The following HECTD4 variants were observed in gnomAD, a reference collection of about 807,000 sequenced individuals.
The protein encoded by HECTD4 is probable E3 ubiquitin-protein ligase HECTD4.
HECTD4 carries 114 observed loss-of-function variants against 471.5 expected under a neutral mutation model. The observed-to-expected ratio is 0.24, with a 90% confidence interval of 0.21 to 0.28. The LOEUF is 0.28. Ranked by LOEUF, HECTD4 falls within the 10% of genes least tolerant of loss-of-function variation. The pLI is 1.00. For missense variants in HECTD4, 3,866 were observed against 5,651.5 expected, an observed-to-expected ratio of 0.68 and a Z score of 10.13; for synonymous variants, 2,012 against 2,256.0, an observed-to-expected ratio of 0.89 and a Z score of 3.07.
At chr12:112,220,897 T>C (rs2033074962) in intron 44 of HECTD4, among the ~76,000 whole-genome samples, 1 of 152,168 alleles carries the variant, frequency 6.6e-6, no homozygotes, top group South Asian at 2.1e-4. Flanking sequence ...GGAGGACTGC[T>C]TAAGCCCAGG....
intron 20 of HECTD4, among the ~76,000 whole-genome samples, chr12:112,257,266 A>G (rs1416286417): frequency 2.6e-5 from 4 of 152,256 alleles, no homozygotes; most frequent in Admixed American, 2.0e-4. Flanking sequence ...TCAGCTCCTC[A>G]GTCACATTAG....
At position 112,329,620 on chromosome 12, in the gene HECTD4, G is replaced by A. The variant is rs75543092; in HGVS notation, c.178-9878C>T. On this transcript the variant is annotated intron_variant, in intron 1 of 75. Transcript: ENST00000682272. ...TGGCCTGAAGAGATCCGCCCACCTC[G>A]GCGTCCCAAAGTGCTGGAATTACAG... Among the ~76,000 whole-genome samples, 222 of 152,158 alleles carry A rather than the reference G, an allele frequency of 1.5e-3. 2 individuals are homozygous for A. The East Asian group carries it at 0.02, about 14-fold the overall frequency.
intron 1 of HECTD4, among the ~76,000 whole-genome samples, chr12:112,338,122 G>A (rs1401655901): frequency 6.6e-6 from 1 of 152,154 alleles, no homozygotes; most frequent in Non-Finnish European, 1.5e-5. Flanking sequence ...AGGGGCTCTA[G>A]TAAAGAATCG....
Position 112,243,396 on chromosome 12 carries a change from G to A in HECTD4, c.4915C>T (p.His1639Tyr), listed in dbSNP as rs993509372. Residue 1639 changes from histidine to tyrosine, a missense_variant, in exon 32 of 76, where the codon CAT becomes TAT. Coordinates refer to ENST00000682272, the MANE Select transcript of HECTD4 (RefSeq NM_001388303.1). The surrounding 1 kb of genome is among the most constrained non-coding windows in gnomAD (Gnocchi z 6.6). ...ACCATCGTCACTGGACCCACAAGATGCGTCACTCCCCCGACTCGTACGGCA... is the reference window on the plus strand; with the variant it reads ...ACCATCGTCACTGGACCCACAAGATACGTCACTCCCCCGACTCGTACGGCA... ...TAAVRVGGVT[H>Y]LVGPVTMVLQ... The A allele has an allele frequency of 1.2e-6, 2 of 1,612,588 alleles. No individual in the cohort carries two copies. The highest frequency in any genetic ancestry group is 1.7e-5 in the Admixed American group (1 of 59,820).
At chr12:112,335,161 CACACAG>C (rs1329804818) in intron 1 of HECTD4, among the ~76,000 whole-genome samples, 1 of 152,050 alleles carries the variant, frequency 6.6e-6, no homozygotes, top group Non-Finnish European at 1.5e-5. Context: ...CACACACACA[CACACAG>C]ACACACACAC....
At chr12:112,376,537 C>G (rs565879370) in intron 1 of HECTD4, among the ~76,000 whole-genome samples, 2 of 152,290 alleles carry the variant, frequency 1.3e-5, no homozygotes, top group South Asian at 4.1e-4. Context: ...TGAGCCACCA[C>G]GCCCGGCCAC....
chr12:112,186,809 AGGCATGT>A (rs1055994746), intron 60 of HECTD4, among the ~76,000 whole-genome samples: 10 of 151,242 alleles, frequency 6.6e-5, no homozygotes, highest in Middle Eastern at 3.4e-3. Flanking sequence ...CTTGAATTAC[AGGCATGT>A]GCCACCACAC....
intron 1 of HECTD4, among the ~76,000 whole-genome samples, chr12:112,358,326 G>T (rs1471952653): frequency 2.0e-5 from 3 of 152,012 alleles, no homozygotes; most frequent in African/African-American, 4.8e-5. Context: ...CTACTAAAAA[G>T]TATTAAGAGC....
At position 112,162,153 on chromosome 12, in the gene HECTD4, A is replaced by C; in HGVS notation, c.*234T>G. On this transcript the variant is annotated 3_prime_UTR_variant, in exon 76 of 76. Coordinates refer to ENST00000682272, the MANE Select transcript of HECTD4 (RefSeq NM_001388303.1). This position sits in a 1 kb window ranked among gnomAD's most constrained non-coding sequence, Gnocchi z 5.2. ...TTAGACACAAACTGTCTGGGAACTA[A>C]ACTATCCTACAAATAGACCACAAAC... 2.0e-6 allele frequency: 1 copy of C among 509,856 alleles called. No individual in the cohort carries two copies. Among genetic ancestry groups the C allele is most frequent in the Non-Finnish European group, 3.5e-6 (1 of 285,374 alleles). The allele number at this position is 509,856 out of a possible 1,614,324, so 31.6% of individuals were successfully genotyped here. A position where few individuals can be genotyped will look rare whatever the true frequency, so the allele number is the denominator to read the frequency against.
intron 7 of HECTD4, among the ~76,000 whole-genome samples, chr12:112,283,941 T>TTTTCTTC (rs1477030912): frequency 6.6e-6 from 1 of 151,828 alleles, no homozygotes; most frequent in Non-Finnish European, 1.5e-5. Context: ...GACCACCTGG[T>TTTTCTTC]TTTCTTCTTT....
At chr12:112,352,769 G>C (rs1324584606) in intron 1 of HECTD4, among the ~76,000 whole-genome samples, 1 of 151,920 alleles carries the variant, frequency 6.6e-6, no homozygotes, top group East Asian at 1.9e-4. Context: ...AAAATGCCCA[G>C]CTAGTTTTTT....
At chr12:112,206,281 A>G (rs1262406835) in intron 52 of HECTD4, among the ~76,000 whole-genome samples, 1 of 152,032 alleles carries the variant, frequency 6.6e-6, no homozygotes, top group Admixed American at 6.6e-5. Flanking sequence ...GACTGTTTGA[A>G]GCCAGGAGTT....
chr12:112,250,479 CTG>C, intron 24 of HECTD4, 102 bp from the exon 25 acceptor site: 2 of 820,522 alleles, frequency 2.4e-6, no homozygotes, highest in Non-Finnish European at 2.0e-6. Flanking sequence ...GGATCACATT[CTG>C]TGTTAAGTAA....
In HECTD4 at chr12:112,185,283, T is replaced by C; in HGVS notation, c.9683A>G (p.Gln3228Arg). 1.3e-6 allele frequency: 2 copies of C among 1,553,168 alleles called. No homozygotes were observed. The highest frequency in any genetic ancestry group is 1.7e-6 in the Non-Finnish European group (2 of 1,148,074). Residue 3228 changes from glutamine (Q) to arginine (R), a missense_variant, in exon 61 of 76, where the codon CAG (glutamine) becomes CGG (arginine). Coordinates refer to ENST00000682272, the MANE Select transcript of HECTD4 (RefSeq NM_001388303.1). The part of the protein sequence containing the change: ...ELHKLYDEET[Q>R]NWVSGGACGG... ...GCAGGCGCCGCCTGAGACCCAGTTC[T>C]GCGTCTCCTCGTCGTACAGCTTGTG...
In HECTD4 at chr12:112,186,864, C is replaced by T. The variant is rs1467104613; in HGVS notation, c.9473-1371G>A. 3.3e-5 allele frequency among the ~76,000 whole-genome samples: 5 copies of T among 151,630 alleles called. 1 individual carries two copies. Among genetic ancestry groups the T allele is most frequent in the Non-Finnish European group, 5.9e-5 (4 of 67,926 alleles). ...TATATTTTTAGCAGAGATGGGGTATCGTCATGTTGGCCAGGCCGGTCTTGA... is the reference window on the plus strand; with the variant it reads ...TATATTTTTAGCAGAGATGGGGTATTGTCATGTTGGCCAGGCCGGTCTTGA... On this transcript the variant is annotated intron_variant, in intron 60 of 75. Transcript: ENST00000682272.
Position 112,381,998 on chromosome 12 carries a change from G to A in HECTD4, c.131C>T (p.Pro44Leu). ...CTCTGGGGCCCCGAGGATCTCGCTGGGCAGCTCGGCCAGGTCGGTGACCCG... is the reference window on the plus strand; with the variant it reads ...CTCTGGGGCCCCGAGGATCTCGCTGAGCAGCTCGGCCAGGTCGGTGACCCG... ...LIRVTDLAEL[P>L]SEILGAPEAA... The change falls in exon 1 of 76, where the codon CCC becomes CTC. Residue 44 changes from proline to leucine, a missense_variant. By Grantham distance (98) the Pro-to-Leu change is moderately conservative. This residue lies in a region of HECTD4 where 440 missense variants were observed against 636.0 expected (regional missense o/e 0.69). Coordinates refer to ENST00000682272, the MANE Select transcript of HECTD4 (RefSeq NM_001388303.1). The surrounding 1 kb of genome is among the most constrained non-coding windows in gnomAD (Gnocchi z 4.1). 8.2e-7 allele frequency: 1 copy of A among 1,224,856 alleles called. No individual in the cohort carries two copies. The highest frequency in any genetic ancestry group is 1.0e-6 in the Non-Finnish European group (1 of 983,508). 75.9% of individuals were successfully genotyped at this position (1,224,856 alleles called of 1,614,324 possible).
At chr12:112,364,191 G>C (rs2036513634) in intron 1 of HECTD4, among the ~76,000 whole-genome samples, 1 of 151,828 alleles carries the variant, frequency 6.6e-6, no homozygotes, top group African/African-American at 2.4e-5. Context: ...AATCACCTGA[G>C]GTCAGGAGTT....
At chr12:112,217,000 G>C (rs2032934907) in intron 46 of HECTD4, 34 bp downstream of exon 46, 3 of 1,594,744 alleles carry the variant, frequency 1.9e-6, no homozygotes, top group Non-Finnish European at 2.6e-6. Flanking sequence ...CAAATCTGAA[G>C]ATGCAAAAGA....
At chr12:112,323,062 TA>T in intron 1 of HECTD4, 1 of 217,582 alleles carries the variant, frequency 4.6e-6, no homozygotes. Context: ...GCCAAGATGG[TA>T]AAAGCAAAGA....
Sources: allele counts gnomAD v4.1 joint callset (sites outside exome capture counted in the v4.1 genomes callset), GRCh38; gene constraint gnomAD v4.1.1; regional missense constraint gnomAD v4.1.1; non-coding constraint Gnocchi (gnomAD v3.1); transcripts MANE v1.5; gene names NCBI Gene and HGNC (gene_info 2026-07-23, HGNC 2026-07-21).